SBNO2: variants seen among roughly 807,000 people sequenced by gnomAD.
SBNO2 encodes the protein protein strawberry notch homolog 2.
In SBNO2, 89 loss-of-function variants were observed where a neutral mutation model predicts 146.3. That is an observed-to-expected ratio of 0.61 (90% CI 0.51 to 0.73). SBNO2 has a LOEUF of 0.73. Among genes scored for constraint, SBNO2 ranks in the 30% least tolerant of loss-of-function variants. The probability of loss-of-function intolerance (pLI) is 0.00; values close to 1 mark genes in which losing one functional copy is unlikely to be tolerated. For synonymous variants in SBNO2, 1,147 were observed against 892.6 expected (o/e 1.29, Z -5.08); for missense variants, 2,092 against 2,003.7 (o/e 1.04, Z -0.84).
rs116574489 is a variant in SBNO2, at chr19:1,157,122, G to C, written c.-126-2720C>G. 1.3e-5 allele frequency among the ~76,000 whole-genome samples: 2 copies of C among 151,464 alleles called. No individual in the cohort carries two copies. The highest frequency in any genetic ancestry group is 2.9e-5 in the Non-Finnish European group (2 of 67,876). On this transcript the variant is annotated intron_variant, in intron 1 of 31. Transcript: ENST00000361757. The surrounding 1 kb of genome is among the most constrained non-coding windows in gnomAD (Gnocchi z 6.8). ...CCTGCCTGCAGACTCGGTCCTGTCC[G>C]AGGGCCCACGCCCCCAAGGGCTGGC...
At position 1,112,295 on chromosome 19, in the gene SBNO2, G is replaced by C; in HGVS notation, c.2522C>G (p.Thr841Ser). 6.3e-7 allele frequency: 1 copy of C among 1,583,594 alleles called. No homozygotes were observed. The highest frequency in any genetic ancestry group is 1.1e-5 in the South Asian group (1 of 87,414). The change falls in exon 22 of 32, where the codon ACC (threonine) becomes AGC (serine). Residue 841 changes from threonine (T) to serine (S), a missense_variant. Transcript: ENST00000361757. This position sits in a 1 kb window ranked among gnomAD's most constrained non-coding sequence, Gnocchi z 5.9. Reference sequence around the variant, plus strand: ...CGCGGAGACCTGGTTGGACCGGTGGGTGCGGCCTGGGGGCAGAGCTGCTCT... The same window carrying C: ...CGCGGAGACCTGGTTGGACCGGTGGCTGCGGCCTGGGGGCAGAGCTGCTCT... ...ADRAIQQFGR[T>S]HRSNQVSAPE...
chr19:1,110,628 TCGCCCACCCGGGATGCCCGGTGTTCCCAC>T lies in SBNO2; in HGVS notation c.3028+88_3028+116del. ...GATGCACGGTGTTCCCACGAGCCCC[TCGCCCACCCGGGATGCCCGGTGTTCCCAC>T]GAGCCCCGAGCCCACCCAGGATGCA... On this transcript the variant is annotated intron_variant, in intron 26 of 31. Transcript: ENST00000361757. This position sits in a 1 kb window ranked among gnomAD's most constrained non-coding sequence, Gnocchi z 4.9. 8.1e-7 allele frequency: 1 copy of T among 1,227,218 alleles called. No homozygotes were observed. The highest frequency in any genetic ancestry group is 1.1e-6 in the Non-Finnish European group (1 of 930,472). The allele number at this position is 1,227,218 out of a possible 1,614,324, so 76.0% of individuals were successfully genotyped here. A position where few individuals can be genotyped will look rare whatever the true frequency, so the allele number is the denominator to read the frequency against.
chr19:1,109,634 T>TGGGGGGGGG lies in SBNO2; in HGVS notation c.3124-37_3124-36insCCCCCCCCC. ...ACGGGGTGGGGGGGTGTGAGTGTGGTGGGGGCGGGGTGGGCAGAGTGTGAG... is the reference window on the plus strand; with the variant it reads ...ACGGGGTGGGGGGGTGTGAGTGTGGTGGGGGGGGGGGGGGCGGGGTGGGCAGAGTGTGAG... On this transcript the variant is annotated intron_variant, in intron 27 of 31. Transcript: ENST00000361757. The surrounding 1 kb of genome is among the most constrained non-coding windows in gnomAD (Gnocchi z 4.2). The TGGGGGGGGG allele has an allele frequency of 2.1e-6, 1 of 472,398 alleles. No homozygotes were observed. The highest frequency in any genetic ancestry group is 3.4e-5 in the Admixed American group (1 of 29,438). 29.3% of individuals were successfully genotyped at this position (472,398 alleles called of 1,614,324 possible). A position where few individuals can be genotyped will look rare whatever the true frequency, so the allele number is the denominator to read the frequency against.
At chr19:1,129,203 G>C (rs2080000968) in intron 4 of SBNO2, among the ~76,000 whole-genome samples, 1 of 152,190 alleles carries the variant, frequency 6.6e-6, no homozygotes, top group Non-Finnish European at 1.5e-5. Context: ...GGAGGCAGAG[G>C]CTGCAGTGGG....
chr19:1,118,278 C>T (rs1026594882), intron 14 of SBNO2, among the ~76,000 whole-genome samples: 5 of 151,890 alleles, frequency 3.3e-5, no homozygotes, highest in East Asian at 1.9e-4. Context: ...GCGGAGGTTG[C>T]GGTGAGCCAA....
intron 18 of SBNO2, among the ~76,000 whole-genome samples, chr19:1,113,942 C>T (rs1341505380): frequency 6.6e-6 from 1 of 152,200 alleles, no homozygotes; most frequent in African/African-American, 2.4e-5. Flanking sequence ...GACCTCACTG[C>T]CTCCACAGGG....
chr19:1,138,317 G>C (rs531661372), intron 4 of SBNO2, among the ~76,000 whole-genome samples: 2 of 151,678 alleles, frequency 1.3e-5, no homozygotes, highest in East Asian at 3.9e-4. Context: ...CGCGAGGCTG[G>C]GCTGGGCCTG....
chr19:1,117,645 G>GT, intron 14 of SBNO2, 146 bp from the exon 15 acceptor site: 3 of 809,894 alleles, frequency 3.7e-6, no homozygotes, highest in Non-Finnish European at 5.7e-6. Context: ...GGTGTGCACT[G>GT]TAAGAGGCAC....
Position 1,147,372 on chromosome 19 carries a change from G to A in SBNO2, c.216C>T (p.Asp72=), listed in dbSNP as rs2080200824. 5 of 1,548,422 alleles carry A rather than the reference G, an allele frequency of 3.2e-6. No homozygotes were observed. The highest frequency in any genetic ancestry group is 1.2e-5 in the South Asian group (1 of 81,870). ...CGGTGGCCACGGGGGCATAGCTGGTGTCTGGGCAGGGCTGGCTGCCGAGGA... is the reference window on the plus strand; with the variant it reads ...CGGTGGCCACGGGGGCATAGCTGGTATCTGGGCAGGGCTGGCTGCCGAGGA... The part of the protein sequence containing the change: ...ASFLGSQPCP[D]TSYAPVATAS... The change falls in exon 4 of 32, where the codon GAC becomes GAT. Residue 72 remains aspartate, a synonymous_variant. Coordinates refer to ENST00000361757, the MANE Select transcript of SBNO2 (RefSeq NM_014963.3).
Position 1,108,711 on chromosome 19 carries a change from G to A in SBNO2, c.3617-7C>T, listed in dbSNP as rs1478253104. The A allele has an allele frequency of 1.3e-6, 2 of 1,556,944 alleles. No individual in the cohort carries two copies. Among genetic ancestry groups the A allele is most frequent in the Non-Finnish European group, 1.7e-6 (2 of 1,159,570 alleles). On this transcript the variant is annotated splice_region_variant and splice_polypyrimidine_tract_variant and intron_variant, in intron 31 of 31. Coordinates refer to ENST00000361757, the MANE Select transcript of SBNO2 (RefSeq NM_014963.3). ...CCCTCGGGGATCTTGATGCCTGCGG[G>A]CAGAGCGTCGGGGTCAGGGCCGGCG...
rs1459684816 is a variant in SBNO2 at position 1,150,295 on chromosome 19, G to A, written c.94-853C>T. 6.6e-6 allele frequency among the ~76,000 whole-genome samples: 1 copy of A among 152,272 alleles called. No homozygotes were observed. Among genetic ancestry groups the A allele is most frequent in the South Asian group, 2.1e-4 (1 of 4,822 alleles). On this transcript the variant is annotated intron_variant, in intron 2 of 31. Transcript: ENST00000361757. This position sits in a 1 kb window ranked among gnomAD's most constrained non-coding sequence, Gnocchi z 6.2. ...GCACACGGGGCAGCAGCGGGCCCAA[G>A]GGCGGCAGCGGGCCCAGGGTCAGCA...
At chr19:1,163,496 G>A (rs2080370123) in intron 1 of SBNO2, among the ~76,000 whole-genome samples, 1 of 152,216 alleles carries the variant, frequency 6.6e-6, no homozygotes, top group African/African-American at 2.4e-5. Flanking sequence ...CGTCCAGGGA[G>A]GAGGCTGCTC....
In SBNO2 at chr19:1,126,447, T is replaced by A. The variant is rs2079966527; in HGVS notation, c.441+1157A>T. Among the ~76,000 whole-genome samples, 1 of 152,046 alleles carries A rather than the reference T, an allele frequency of 6.6e-6. No homozygotes were observed. The highest frequency in any genetic ancestry group is 2.4e-5 in the African/African-American group (1 of 41,392). ...CACGCCCTGCTGAGGACCTGGGAGC[T>A]AGCTGGGAGGGCACGGGCCCCGGGC... On this transcript the variant is annotated intron_variant, in intron 5 of 31. Coordinates refer to ENST00000361757, the MANE Select transcript of SBNO2 (RefSeq NM_014963.3). The surrounding 1 kb of genome is among the most constrained non-coding windows in gnomAD (Gnocchi z 4.4).
chr19:1,160,995 T>C (rs1185018173), intron 1 of SBNO2, among the ~76,000 whole-genome samples: 1 of 143,720 alleles, frequency 7.0e-6, no homozygotes, highest in Non-Finnish European at 1.5e-5. Context: ...TGGAGGGTCC[T>C]GAGGTGCTTC....
At position 1,116,906 on chromosome 19, in the gene SBNO2, C is replaced by T. The variant is rs777646612; in HGVS notation, c.1725G>A (p.Gln575=). The T allele has an allele frequency of 1.9e-6, 3 of 1,564,552 alleles. No homozygotes were observed. Among genetic ancestry groups the T allele is most frequent in the Non-Finnish European group, 2.6e-6 (3 of 1,160,268 alleles). The change falls in exon 16 of 32, where the codon CAG becomes CAA. Residue 575 remains glutamine (Q), a synonymous_variant. Coordinates refer to ENST00000361757, the MANE Select transcript of SBNO2 (RefSeq NM_014963.3). The part of the protein sequence containing the change: ...ARDKCVVIGL[Q]STGEARTREV... The stretch of plus-strand genomic sequence containing the variant: ...CCCGCGTGCGCGCCTCGCCCGTGGA[C>T]TGCAGCCCGATGACCACGCACTGTG...
intron 1 of SBNO2, among the ~76,000 whole-genome samples, chr19:1,161,982 C>G (rs1183101693): frequency 1.4e-5 from 2 of 140,380 alleles, no homozygotes; most frequent in Admixed American, 1.5e-4. Context: ...GCCGGCCAGA[C>G]AGACGGACGT....
rs181038156 is a variant in SBNO2, at chr19:1,110,032, T to C, written c.3029-255A>G. Among the ~76,000 whole-genome samples, 7 of 130,924 alleles carry C rather than the reference T, an allele frequency of 5.3e-5. No individual in the cohort carries two copies. The highest frequency in any genetic ancestry group is 2.9e-4 in the Admixed American group (4 of 13,776). The allele number at this position is 130,924 out of a possible 152,430, so 85.9% of individuals were successfully genotyped here. ...GAGCCTGGGGGCCGCTCAGGTCCTA[T>C]GTAACCCCGAGCAGGCTGTGGGGGA... On this transcript the variant is annotated intron_variant, in intron 26 of 31. Coordinates refer to ENST00000361757, the MANE Select transcript of SBNO2 (RefSeq NM_014963.3). This position sits in a 1 kb window ranked among gnomAD's most constrained non-coding sequence, Gnocchi z 4.9.
intron 4 of SBNO2, among the ~76,000 whole-genome samples, chr19:1,145,473 C>CAA (rs1223891823): frequency 5.6e-5 from 4 of 70,888 alleles, no homozygotes; most frequent in Admixed American, 1.6e-4. Flanking sequence ...AACTCTGTCT[C>CAA]AAAAAAAAAA....
Position 1,112,278 on chromosome 19 carries a change from C to T in SBNO2, c.2539G>A (p.Val847Ile). 6.3e-7 allele frequency: 1 copy of T among 1,588,650 alleles called. No homozygotes were observed. The highest frequency in any genetic ancestry group is 1.1e-5 in the South Asian group (1 of 87,802). The change falls in exon 22 of 32, where the codon GTC becomes ATC. Residue 847 changes from valine (V) to isoleucine (I), a missense_variant. Val to Ile is a conservative substitution (Grantham distance 29). Coordinates refer to ENST00000361757, the MANE Select transcript of SBNO2 (RefSeq NM_014963.3). This position sits in a 1 kb window ranked among gnomAD's most constrained non-coding sequence, Gnocchi z 5.9. ...AGGAAGACATACTCTGGCGCGGAGA[C>T]CTGGTTGGACCGGTGGGTGCGGCCT... ...QFGRTHRSNQ[V>I]SAPEYVFLIS...
Sources: allele counts gnomAD v4.1 joint callset (sites outside exome capture counted in the v4.1 genomes callset), GRCh38; gene constraint gnomAD v4.1.1; non-coding constraint Gnocchi (gnomAD v3.1); transcripts MANE v1.5; gene names NCBI Gene and HGNC (gene_info 2026-07-23, HGNC 2026-07-21).